The following SYCN variants were observed in gnomAD, a reference collection of about 807,000 sequenced individuals.
SYCN encodes syncollin.
A neutral mutation model predicts 12.6 loss-of-function variants in SYCN; 16 were observed. The ratio of observed to expected loss-of-function variants is 1.27; its 90% CI spans 0.86 to 1.92. The LOEUF (loss-of-function observed/expected upper bound fraction) is 1.92. Ranked by LOEUF, SYCN falls within the 30% of genes most tolerant of loss-of-function variation. SYCN has a pLI of 0.00. For synonymous variants in SYCN, 97 were observed against 88.4 expected (o/e 1.10, Z -0.55); for missense variants, 226 against 181.8 (o/e 1.24, Z -1.40).
Position 39,204,007 on chromosome 19 carries a change from G to T in SYCN, c.248C>A (p.Ala83Asp). The change falls in exon 1 of 2, where the codon GCC (alanine) becomes GAC (aspartate). Residue 83 changes from alanine to aspartate, a missense_variant. Ala to Asp is a moderately radical substitution (Grantham distance 126, BLOSUM62 -2). Coordinates refer to ENST00000318438, the MANE Select transcript of SYCN (RefSeq NM_001080468.4). ...WANTASSLVV[A>D]PRCELTVWSR... ...CCACACGGTGAGCTCGCAGCGCGGG[G>T]CCACCACAAGTGAGGAGGCGGTGTT... The T allele has an allele frequency of 6.2e-7, 1 of 1,610,890 alleles. No individual in the cohort carries two copies. The highest frequency in any genetic ancestry group is 1.7e-4 in the Middle Eastern group (1 of 6,046).
chr19:39,203,064 C>T, intron 1 of SYCN, 68 bp from the exon 2 acceptor site: 1 of 1,524,024 alleles, frequency 6.6e-7, no homozygotes, highest in Middle Eastern at 1.7e-4. Context: ...TTCTAGAAGC[C>T]TGAGACTGGG....
At position 39,204,165 on chromosome 19, in the gene SYCN, C is replaced by G. The variant is rs1015360011; in HGVS notation, c.90G>C (p.Lys30Asn). ...QGACPASADLKHSDGTRTCAK... is the reference protein window; with the variant it reads ...QGACPASADLNHSDGTRTCAK... ...CGCAAGTGCGCGTCCCGTCCGAGTG[C>G]TTGAGGTCGGCGGAGGCGGGGCAGG... The change falls in exon 1 of 2, where the codon AAG (lysine) becomes AAC (asparagine). Residue 30 changes from lysine to asparagine, a missense_variant. Physicochemically the swap from Lys to Asn is moderately conservative, Grantham distance 94 (BLOSUM62 0). Transcript: ENST00000318438. 6.2e-7 allele frequency: 1 copy of G among 1,612,360 alleles called. No homozygotes were observed. The highest frequency in any genetic ancestry group is 8.5e-7 in the Non-Finnish European group (1 of 1,179,624).
chr19:39,203,355 G>C (rs1211505386), intron 1 of SYCN, among the ~76,000 whole-genome samples: 1 of 151,982 alleles, frequency 6.6e-6, no homozygotes, highest in Admixed American at 6.6e-5. Flanking sequence ...GCTACACTGG[G>C]TGTTCCTATA....
chr19:39,203,390 G>T (rs1251968446), intron 1 of SYCN, among the ~76,000 whole-genome samples: 5 of 151,984 alleles, frequency 3.3e-5, no homozygotes, highest in Non-Finnish European at 7.4e-5. Context: ...CTTGAGGTCT[G>T]GGTTAGTTTT....
rs762958984 is a variant in SYCN, at chr19:39,203,884, T to C, written c.371A>G (p.Asn124Ser). The C allele has an allele frequency of 2.5e-6, 4 of 1,608,078 alleles. No homozygotes were observed. The highest frequency in any genetic ancestry group is 2.7e-5 in the African/African-American group (2 of 74,844). ...CCTGCAGTAGAGCGCGGAGATAGCG[T>C]TGGACCAGTCTCCTAAGATGCCCCG... ...YRRGILGDWSNAISALYCRCS is the reference protein window; with the variant it reads ...YRRGILGDWSSAISALYCRCS The change falls in exon 1 of 2, where the codon AAC becomes AGC. Residue 124 changes from asparagine (N) to serine (S), a missense_variant. Coordinates refer to ENST00000318438, the MANE Select transcript of SYCN (RefSeq NM_001080468.4).
In SYCN at chr19:39,204,148, C is replaced by T. The variant is rs760404571; in HGVS notation, c.107G>A (p.Arg36His). ...CTTGTCATAGAGCTTGGCGCAAGTG[C>T]GCGTCCCGTCCGAGTGCTTGAGGTC... ...SADLKHSDGTRTCAKLYDKSD... is the reference protein window; with the variant it reads ...SADLKHSDGTHTCAKLYDKSD... Residue 36 changes from arginine (R) to histidine (H), a missense_variant, in exon 1 of 2, where the codon CGC (arginine) becomes CAC (histidine). Arg to His is a conservative substitution (Grantham distance 29). Coordinates refer to ENST00000318438, the MANE Select transcript of SYCN (RefSeq NM_001080468.4). 3.7e-6 allele frequency: 6 copies of T among 1,612,706 alleles called. No homozygotes were observed. The highest frequency in any genetic ancestry group is 1.1e-5 in the South Asian group (1 of 91,058).
rs546576420 is a variant in SYCN at position 39,204,031 on chromosome 19, T to C, written c.224A>G (p.Asn75Ser). The C allele has an allele frequency of 6.2e-6, 10 of 1,612,202 alleles. No homozygotes were observed. In the African/African-American group the frequency reaches 1.1e-4, roughly 17 times the overall value. ...GGCCACCACAAGTGAGGAGGCGGTGTTGGCCCAGTTGGAGGGCAGGTAGGG... is the reference window on the plus strand; with the variant it reads ...GGCCACCACAAGTGAGGAGGCGGTGCTGGCCCAGTTGGAGGGCAGGTAGGG... Reference protein sequence around the residue: ...DLPYLPSNWANTASSLVVAPR... With the variant: ...DLPYLPSNWASTASSLVVAPR... The change falls in exon 1 of 2, where the codon AAC becomes AGC. Residue 75 changes from asparagine (N) to serine (S), a missense_variant. Coordinates refer to ENST00000318438, the MANE Select transcript of SYCN (RefSeq NM_001080468.4).
chr19:39,203,819 C>T (rs895036693), intron 1 of SYCN, 41 bp downstream of exon 1: 11 of 1,541,034 alleles, frequency 7.1e-6, no homozygotes, highest in Non-Finnish European at 9.6e-6. Context: ...GAGCTGGGGC[C>T]TGGGCCTGGG....
At chr19:39,203,151 G>T (rs1299997234) in intron 1 of SYCN, among the ~76,000 whole-genome samples, 155 bp from the exon 2 acceptor site, 1 of 151,828 alleles carries the variant, frequency 6.6e-6, no homozygotes, top group African/African-American at 2.4e-5. Flanking sequence ...GGAGCTGGGG[G>T]CTCCTTGGAG....
At position 39,203,851 on chromosome 19, in the gene SYCN, G is replaced by A; in HGVS notation, c.395+9C>T. 1 of 1,571,322 alleles carries A rather than the reference G, an allele frequency of 6.4e-7. No homozygotes were observed. ...TGGGGTGGGCTCGGAGCTTTGGGCG[G>A]CCGGGCACCTGCAGTAGAGCGCGGA... is the stretch of plus-strand genomic sequence containing the variant. On this transcript the variant is annotated intron_variant, in intron 1 of 1. Coordinates refer to ENST00000318438, the MANE Select transcript of SYCN (RefSeq NM_001080468.4).
chr19:39,203,914 T>C lies in SYCN; in HGVS notation c.341A>G (p.Tyr114Cys). The C allele has an allele frequency of 1.2e-6, 2 of 1,611,938 alleles. No homozygotes were observed. Among genetic ancestry groups the C allele is most frequent in the South Asian group, 1.1e-5 (1 of 90,748 alleles). ...CCAGTCTCCTAAGATGCCCCGGCGG[T>C]ACTCCTCCAGGCGCGGGTAGGTGCC... is the stretch of plus-strand genomic sequence containing the variant. ...SAGTYPRLEEYRRGILGDWSN... is the reference protein window; with the variant it reads ...SAGTYPRLEECRRGILGDWSN... Residue 114 changes from tyrosine (Y) to cysteine (C), a missense_variant, in exon 1 of 2, where the codon TAC becomes TGC. Transcript: ENST00000318438.
chr19:39,203,931 G>A lies in SYCN; in HGVS notation c.324C>T (p.Tyr108=). ...CCCGGCGGTACTCCTCCAGGCGCGG[G>A]TAGGTGCCGGCAGAGAACTTGTGCG... ...GKTHKFSAGT[Y]PRLEEYRRGI... The change falls in exon 1 of 2, where the codon TAC becomes TAT. Residue 108 remains tyrosine (Y), a synonymous_variant. Transcript: ENST00000318438. 1 of 1,611,204 alleles carries A rather than the reference G, an allele frequency of 6.2e-7. No homozygotes were observed. The highest frequency in any genetic ancestry group is 8.5e-7 in the Non-Finnish European group (1 of 1,178,864).
chr19:39,203,847 G>A lies in SYCN; in HGVS notation c.395+13C>T. 1 of 1,568,696 alleles carries A rather than the reference G, an allele frequency of 6.4e-7. No individual in the cohort carries two copies. On this transcript the variant is annotated intron_variant, in intron 1 of 1. Transcript: ENST00000318438. ...GGCCTGGGGTGGGCTCGGAGCTTTG[G>A]GCGGCCGGGCACCTGCAGTAGAGCG... is the stretch of plus-strand genomic sequence containing the variant.
At position 39,204,136 on chromosome 19, in the gene SYCN, T is replaced by C. The variant is rs536140153; in HGVS notation, c.119A>G (p.Lys40Arg). 3.0e-5 allele frequency: 48 copies of C among 1,612,892 alleles called. No homozygotes were observed. The East Asian group carries it at 9.8e-4, about 33-fold the overall frequency. Residue 40 changes from lysine to arginine, a missense_variant, in exon 1 of 2, where the codon AAG (lysine) becomes AGG (arginine). Coordinates refer to ENST00000318438, the MANE Select transcript of SYCN (RefSeq NM_001080468.4). ...GTAGGGGTCGCTCTTGTCATAGAGCTTGGCGCAAGTGCGCGTCCCGTCCGA... is the reference window on the plus strand; with the variant it reads ...GTAGGGGTCGCTCTTGTCATAGAGCCTGGCGCAAGTGCGCGTCCCGTCCGA... ...KHSDGTRTCA[K>R]LYDKSDPYYE... is the part of the protein sequence containing the mutation.
At chr19:39,203,710 G>A (rs1335904041) in intron 1 of SYCN, 150 bp downstream of exon 1, 21 of 927,442 alleles carry the variant, frequency 2.3e-5, no homozygotes, top group Non-Finnish European at 3.2e-5. Flanking sequence ...GGGCCTCCAG[G>A]ACTGGTTCTA....
rs1045265086 is a variant in SYCN, at chr19:39,203,076, G to T, written c.396-80C>A. 76 of 1,466,554 alleles carry T rather than the reference G, an allele frequency of 5.2e-5. No individual in the cohort carries two copies. In the Middle Eastern group the frequency reaches 1.2e-3, roughly 23 times the overall value. 90.8% of individuals were successfully genotyped at this position (1,466,554 alleles called of 1,614,324 possible). A position where few individuals can be genotyped will look rare whatever the true frequency, so the allele number is the denominator to read the frequency against. On this transcript the variant is annotated intron_variant, in intron 1 of 1. Transcript: ENST00000318438. ...GAGTTCTAGAAGCCTGAGACTGGGT[G>T]GGGGCTGGGGAGTCTGGGTCTGAGG...
rs374436781 is a variant in SYCN at position 39,204,178 on chromosome 19, G to A, written c.77C>T (p.Ser26Phe). The A allele has an allele frequency of 7.3e-5, 118 of 1,611,684 alleles. No individual in the cohort carries two copies. The African/African-American group carries it at 1.4e-3, about 19-fold the overall frequency. Residue 26 changes from serine to phenylalanine, a missense_variant, in exon 1 of 2, where the codon TCC becomes TTC. Coordinates refer to ENST00000318438, the MANE Select transcript of SYCN (RefSeq NM_001080468.4). ...CCCGTCCGAGTGCTTGAGGTCGGCG[G>A]AGGCGGGGCAGGCGCCCTGGGCGCA... Reference protein sequence around the residue: ...VPCAQGACPASADLKHSDGTR... With the variant: ...VPCAQGACPAFADLKHSDGTR...
chr19:39,202,872 G>C lies in SYCN; in HGVS notation c.*115C>G. The C allele has an allele frequency of 9.1e-7, 1 of 1,103,136 alleles. No individual in the cohort carries two copies. The highest frequency in any genetic ancestry group is 1.3e-6 in the Non-Finnish European group (1 of 756,722). The allele number at this position is 1,103,136 out of a possible 1,614,324, so 68.3% of individuals were successfully genotyped here. A position where few individuals can be genotyped will look rare whatever the true frequency, so the allele number is the denominator to read the frequency against. On this transcript the variant is annotated 3_prime_UTR_variant, in exon 2 of 2. Transcript: ENST00000318438. ...CTGTATTGCAGGGGAGGTGGGAGGG[G>C]GCAGGCAGAACGCTCCTCCTCCTGG...
chr19:39,204,111 G>C lies in SYCN; in HGVS notation c.144C>G (p.Tyr48Ter). The C allele has an allele frequency of 6.2e-7, 1 of 1,613,140 alleles. No individual in the cohort carries two copies. The highest frequency in any genetic ancestry group is 1.1e-5 in the South Asian group (1 of 91,068). The part of the protein sequence containing the change: ...CAKLYDKSDP[Y>*]YENCCGGAEL... Reference sequence around the variant, plus strand: ...CGGCGCCCCCGCAGCAGTTCTCATAGTAGGGGTCGCTCTTGTCATAGAGCT... The same window carrying C: ...CGGCGCCCCCGCAGCAGTTCTCATACTAGGGGTCGCTCTTGTCATAGAGCT... Residue 48 changes from tyrosine to a stop codon, truncating the protein, a stop_gained, in exon 1 of 2, where the codon TAC becomes TAG. Transcript: ENST00000318438. LOFTEE classifies it high-confidence loss of function.
Sources: allele counts gnomAD v4.1 joint callset (sites outside exome capture counted in the v4.1 genomes callset), GRCh38; gene constraint gnomAD v4.1.1; transcripts MANE v1.5; gene names NCBI Gene and HGNC (gene_info 2026-07-23, HGNC 2026-07-21).